EXOC6B: variants seen among roughly 807,000 people sequenced by gnomAD.
EXOC6B encodes SEC15 homolog B.
In EXOC6B, 54 loss-of-function variants were observed where a neutral mutation model predicts 113.5. The ratio of observed to expected loss-of-function variants is 0.48; its 90% CI spans 0.38 to 0.60. EXOC6B has a LOEUF of 0.60. EXOC6B is among the 20% of genes least tolerant of loss of function. The pLI, the probability that EXOC6B is intolerant of heterozygous loss-of-function variation, is 0.00. For synonymous variants in EXOC6B, 357 were observed against 339.0 expected (o/e 1.05, Z -0.58); for missense variants, 797 against 977.5 (o/e 0.82, Z 2.46).
chr2:72,660,841 G>C (rs1169266789), intron 6 of EXOC6B, among the ~76,000 whole-genome samples: 1 of 148,730 alleles, frequency 6.7e-6, no homozygotes, highest in Admixed American at 6.7e-5. Context: ...TTTCCTTCTG[G>C]TATCTCCTAG....
intron 20 of EXOC6B, among the ~76,000 whole-genome samples, chr2:72,218,250 G>T (rs1160149880): frequency 6.6e-6 from 1 of 152,176 alleles, no homozygotes; most frequent in African/African-American, 2.4e-5. Flanking sequence ...TCATCAGCAA[G>T]GTGAATGTTT....
intron 1 of EXOC6B, among the ~76,000 whole-genome samples, chr2:72,806,983 T>C (rs1240203866): frequency 6.6e-6 from 1 of 152,234 alleles, no homozygotes; most frequent in Admixed American, 6.5e-5. Context: ...GTCTGTTTTC[T>C]CATTTGATAG....
chr2:72,529,603 A>G (rs1701894764), intron 8 of EXOC6B, among the ~76,000 whole-genome samples: 1 of 152,094 alleles, frequency 6.6e-6, no homozygotes, highest in African/African-American at 2.4e-5. Context: ...AAGATTTCAG[A>G]AAGAAGTTTC....
intron 1 of EXOC6B, among the ~76,000 whole-genome samples, chr2:72,779,651 A>G (rs986880105): frequency 6.6e-6 from 1 of 152,182 alleles, no homozygotes; most frequent in Non-Finnish European, 1.5e-5. Context: ...CCCCACAGCC[A>G]TAAAATTAAA....
intron 18 of EXOC6B, among the ~76,000 whole-genome samples, chr2:72,452,562 C>G (rs895783417): frequency 6.6e-6 from 1 of 151,946 alleles, no homozygotes; most frequent in Admixed American, 6.6e-5. Context: ...AGGTGTTAAG[C>G]TGTATTTTAA....
At chr2:72,650,429 G>A (rs1427790301) in intron 6 of EXOC6B, among the ~76,000 whole-genome samples, 1 of 151,990 alleles carries the variant, frequency 6.6e-6, no homozygotes, top group African/African-American at 2.4e-5. Context: ...GGGAAACCCC[G>A]TCTCTACTAA....
At chr2:72,791,972 G>A (rs1248785106) in intron 1 of EXOC6B, among the ~76,000 whole-genome samples, 1 of 152,168 alleles carries the variant, frequency 6.6e-6, no homozygotes, top group Non-Finnish European at 1.5e-5. Flanking sequence ...TCTGGGCTCT[G>A]TTAAAGAATT....
At chr2:72,751,718 G>GA (rs1682054848) in intron 1 of EXOC6B, among the ~76,000 whole-genome samples, 1 of 152,066 alleles carries the variant, frequency 6.6e-6, no homozygotes, top group African/African-American at 2.4e-5. Flanking sequence ...ACAAAATGCA[G>GA]AAAGACGAAA....
intron 1 of EXOC6B, among the ~76,000 whole-genome samples, chr2:72,810,648 C>A (rs79540415): frequency 4.0e-5 from 6 of 151,888 alleles, no homozygotes; most frequent in Admixed American, 2.6e-4. Flanking sequence ...AGAAAAACAA[C>A]GGAGAAAATC....
chr2:72,505,537 G>A (rs1264037570), intron 11 of EXOC6B, among the ~76,000 whole-genome samples: 1 of 152,054 alleles, frequency 6.6e-6, no homozygotes, highest in Non-Finnish European at 1.5e-5. Flanking sequence ...GTACTAGTTT[G>A]AAATATTATA....
intron 18 of EXOC6B, among the ~76,000 whole-genome samples, chr2:72,430,729 A>G (rs1388816087): frequency 6.6e-6 from 1 of 152,222 alleles, no homozygotes; most frequent in African/African-American, 2.4e-5. Flanking sequence ...TTAAGATATC[A>G]TTTCACTAGC....
chr2:72,484,160 T>A (rs925115208), intron 16 of EXOC6B, among the ~76,000 whole-genome samples: 7 of 151,140 alleles, frequency 4.6e-5, no homozygotes, highest in African/African-American at 1.7e-4. Flanking sequence ...TTTTTTTCAA[T>A]TTTACATTAA....
intron 6 of EXOC6B, among the ~76,000 whole-genome samples, chr2:72,614,524 C>G (rs1290511970): frequency 1.3e-5 from 2 of 152,152 alleles, no homozygotes; most frequent in African/African-American, 4.8e-5. Flanking sequence ...TACAAATTTT[C>G]TCAGAAGGAC....
rs181280273 is a variant in EXOC6B, at chr2:72,414,331, G to A, written c.1981-34461C>T. On this transcript the variant is annotated intron_variant, in intron 18 of 21. Transcript: ENST00000272427. ...CTAAACAATGAATCAACTACACAATGCTTTCCAAAAACCCTTGAAAAATAA... is the reference window on the plus strand; with the variant it reads ...CTAAACAATGAATCAACTACACAATACTTTCCAAAAACCCTTGAAAAATAA... Among the ~76,000 whole-genome samples, 20 of 152,204 alleles carry A rather than the reference G, an allele frequency of 1.3e-4. 1 individual carries two copies. The highest frequency in any genetic ancestry group is 4.6e-4 in the African/African-American group (19 of 41,522).
intron 19 of EXOC6B, among the ~76,000 whole-genome samples, chr2:72,352,561 T>G: frequency 6.6e-6 from 1 of 152,164 alleles, no homozygotes; most frequent in East Asian, 1.9e-4. Flanking sequence ...AGAGGACAAA[T>G]TTTAATACTG....
chr2:72,768,288 CTTTTTTT>C (rs200442752), intron 1 of EXOC6B, among the ~76,000 whole-genome samples: 1 of 105,400 alleles, frequency 9.5e-6, no homozygotes, highest in African/African-American at 3.3e-5. Flanking sequence ...AGAATGCAAG[CTTTTTTT>C]TTTTTTTTTT....
intron 18 of EXOC6B, among the ~76,000 whole-genome samples, chr2:72,417,975 A>C (rs1337968201): frequency 2.0e-5 from 3 of 152,008 alleles, no homozygotes; most frequent in African/African-American, 4.8e-5. Flanking sequence ...CTTAAAATTT[A>C]TTTTACTATT....
intron 6 of EXOC6B, among the ~76,000 whole-genome samples, chr2:72,613,530 A>G (rs1671204166): frequency 1.3e-5 from 2 of 152,160 alleles, no homozygotes; most frequent in Admixed American, 1.3e-4. Flanking sequence ...TAGTTATACA[A>G]AAACAAAGTA....
intron 8 of EXOC6B, among the ~76,000 whole-genome samples, chr2:72,556,978 A>AT (rs1489869882): frequency 6.6e-6 from 1 of 151,966 alleles, no homozygotes. Flanking sequence ...AAGAAACCCG[A>AT]TTAAAAAAAA....
Sources: gnomAD v4.1 joint callset for allele counts (sites outside exome capture counted in the v4.1 genomes callset) on GRCh38, gnomAD v4.1.1 for gene constraint, MANE v1.5 for transcripts, NCBI Gene and HGNC (gene_info 2026-07-23, HGNC 2026-07-21) for gene names.